The following DLG2 variants were observed in gnomAD, a reference collection of about 807,000 sequenced individuals.
DLG2 encodes the protein discs large MAGUK scaffold protein 2.
Under a neutral mutation model 132.5 loss-of-function variants are expected in DLG2, and 45 were observed. The ratio of observed to expected loss-of-function variants is 0.34; its 90% CI spans 0.27 to 0.44. The LOEUF is 0.44. DLG2 is among the 20% of genes least tolerant of loss of function. The pLI, the probability that DLG2 is intolerant of heterozygous loss-of-function variation, is 1.00. For synonymous variants in DLG2, 424 were observed against 419.6 expected, an observed-to-expected ratio of 1.01 and a Z score of -0.13; for missense variants, 1,045 against 1,196.9, an observed-to-expected ratio of 0.87 and a Z score of 1.87.
intron 6 of DLG2, among the ~76,000 whole-genome samples, chr11:84,857,064 TA>T (rs2082887290): frequency 6.7e-6 from 1 of 149,990 alleles, no homozygotes. Context: ...AAGCCATTGG[TA>T]AAATTACCAA....
At chr11:84,401,826 G>A (rs894230007) in intron 7 of DLG2, among the ~76,000 whole-genome samples, 10 of 152,114 alleles carry the variant, frequency 6.6e-5, no homozygotes, top group Admixed American at 6.5e-5. Context: ...GGGACTACAG[G>A]CGCCTGCCAC....
At chr11:83,986,532 G>A (rs556404626) in intron 11 of DLG2, among the ~76,000 whole-genome samples, 160 of 151,074 alleles carry the variant, frequency 1.1e-3, no homozygotes, top group African/African-American at 3.7e-3. Flanking sequence ...GTGTGCATGT[G>A]TCTTTATAGC....
chr11:83,498,023 A>C (rs2094241797), intron 21 of DLG2, among the ~76,000 whole-genome samples: 1 of 152,086 alleles, frequency 6.6e-6, no homozygotes, highest in East Asian at 1.9e-4. Flanking sequence ...CAGAGATACA[A>C]ATATCCCTTA....
At chr11:85,199,929 G>A (rs1240666621) in intron 4 of DLG2, among the ~76,000 whole-genome samples, 3 of 150,714 alleles carry the variant, frequency 2.0e-5, no homozygotes, top group African/African-American at 7.3e-5. Flanking sequence ...TTTGTAGTGA[G>A]ACCCAGGAAT....
At chr11:83,753,624 A>T (rs1381611593) in intron 18 of DLG2, among the ~76,000 whole-genome samples, 1 of 145,734 alleles carries the variant, frequency 6.9e-6, no homozygotes, top group Non-Finnish European at 1.5e-5. Context: ...TAAAATATAT[A>T]TATAAAATTG....
chr11:85,393,324 T>C (rs1422815536), intron 3 of DLG2, among the ~76,000 whole-genome samples: 1 of 152,056 alleles, frequency 6.6e-6, no homozygotes, highest in Non-Finnish European at 1.5e-5. Context: ...CAAAAAATAA[T>C]AGTTGTTAGC....
At chr11:85,008,022 T>C (rs1000601690) in intron 6 of DLG2, among the ~76,000 whole-genome samples, 36 of 152,140 alleles carry the variant, frequency 2.4e-4, no homozygotes, top group African/African-American at 8.4e-4. Context: ...GGGGCAGAAC[T>C]CCATAATCAA....
At chr11:84,713,200 G>A (rs1475836209) in intron 6 of DLG2, among the ~76,000 whole-genome samples, 2 of 152,072 alleles carry the variant, frequency 1.3e-5, no homozygotes, top group Admixed American at 6.5e-5. Flanking sequence ...TATTGGAAAT[G>A]AGTGTATATT....
chr11:84,153,109 C>T (rs115428436), intron 9 of DLG2, among the ~76,000 whole-genome samples: 2,808 of 152,218 alleles, frequency 0.018, 69 homozygotes, highest in African/African-American at 0.063. Flanking sequence ...CTTAGTTTGG[C>T]TGGATATGAA....
At chr11:84,182,185 A>T (rs1006655038) in intron 8 of DLG2, among the ~76,000 whole-genome samples, 1 of 152,206 alleles carries the variant, frequency 6.6e-6, no homozygotes. Context: ...TCTTAACACC[A>T]CAATATAATT....
intron 3 of DLG2, among the ~76,000 whole-genome samples, chr11:85,384,599 C>G (rs2086170971): frequency 6.6e-6 from 1 of 152,162 alleles, no homozygotes; most frequent in Non-Finnish European, 1.5e-5. Flanking sequence ...GAAACAGTCT[C>G]ACTCTGTTTC....
chr11:84,833,245 T>C (rs2153997715), intron 6 of DLG2, among the ~76,000 whole-genome samples: 1 of 151,712 alleles, frequency 6.6e-6, no homozygotes, highest in South Asian at 2.1e-4. Context: ...CTGAAACTAC[T>C]GAGCTTACTG....
chr11:83,519,635 A>G (rs1281314539), intron 21 of DLG2, among the ~76,000 whole-genome samples: 1 of 152,202 alleles, frequency 6.6e-6, no homozygotes, highest in Non-Finnish European at 1.5e-5. Flanking sequence ...CACCTGGCTT[A>G]TATGTAATCT....
intron 7 of DLG2, among the ~76,000 whole-genome samples, chr11:84,383,718 A>C (rs925496492): frequency 3.3e-5 from 5 of 152,082 alleles, no homozygotes; most frequent in African/African-American, 1.2e-4. Flanking sequence ...TTCTGTTAAC[A>C]ATCCAAGTAA....
chr11:84,640,403 C>T, intron 6 of DLG2: 1 of 402,632 alleles, frequency 2.5e-6, no homozygotes, highest in Non-Finnish European at 4.3e-6. Context: ...TATCTCAAGC[C>T]CAGAACGATG....
intron 6 of DLG2, among the ~76,000 whole-genome samples, chr11:84,848,878 C>T (rs768003490): frequency 2.0e-5 from 3 of 152,132 alleles, no homozygotes; most frequent in Non-Finnish European, 2.9e-5. Flanking sequence ...TACCCTTATG[C>T]GGTCCCTTTT....
At chr11:84,231,654 G>T (rs1312611199) in intron 8 of DLG2, among the ~76,000 whole-genome samples, 2 of 152,172 alleles carry the variant, frequency 1.3e-5, no homozygotes, top group Non-Finnish European at 2.9e-5. Flanking sequence ...TAAGGCACCA[G>T]TAAAAACTCT....
Position 83,850,123 on chromosome 11 carries a change from AGTGTGTGT to A in DLG2, c.1566-16361_1566-16354del, listed in dbSNP as rs544279195. Among the ~76,000 whole-genome samples the A allele has an allele frequency of 1.5e-3, 58 of 39,112 alleles. No individual in the cohort carries two copies. In the Middle Eastern group the frequency reaches 0.06, roughly 40 times the overall value. The allele number at this position is 39,112 out of a possible 152,430, so 25.7% of individuals were successfully genotyped here. On this transcript the variant is annotated intron_variant, in intron 16 of 27. Coordinates refer to ENST00000376104, the MANE Select transcript of DLG2 (RefSeq NM_001142699.3). ...TCATTCATCCGTAACATTTGGGGTAAGTGTGTGTGTGTGTGTGTGTGTGTGTGTGTGTG... is the reference window on the plus strand; with the variant it reads ...TCATTCATCCGTAACATTTGGGGTAAGTGTGTGTGTGTGTGTGTGTGTGTG...
At chr11:83,632,316 G>A (rs1235657894) in intron 19 of DLG2, 1 of 152,194 alleles carries the variant, frequency 6.6e-6, no homozygotes, top group Non-Finnish European at 1.5e-5. Context: ...AGGTAAGAAG[G>A]ATATGACCTC....
Sources: gnomAD v4.1 joint callset for allele counts (sites outside exome capture counted in the v4.1 genomes callset) on GRCh38, gnomAD v4.1.1 for gene constraint, MANE v1.5 for transcripts, NCBI Gene and HGNC (gene_info 2026-07-23, HGNC 2026-07-21) for gene names.